The following PARP8 variants were observed in gnomAD, a reference collection of about 807,000 sequenced individuals.
The protein encoded by PARP8 is poly(ADP-ribose) polymerase family member 8, also known as protein mono-ADP-ribosyltransferase PARP8.
In PARP8, 51 loss-of-function variants were observed where a neutral mutation model predicts 124.1. The ratio of observed to expected loss-of-function variants is 0.41; its 90% CI spans 0.33 to 0.52. The LOEUF (loss-of-function observed/expected upper bound fraction) is 0.52, where lower values mean the gene tolerates loss of function less well. Among genes scored for constraint, PARP8 ranks in the 20% least tolerant of loss-of-function variants. The probability of loss-of-function intolerance (pLI) is 0.21; values close to 1 mark genes in which losing one functional copy is unlikely to be tolerated. For missense variants in PARP8, 860 were observed against 1,018.9 expected (o/e 0.84, Z 2.12); for synonymous variants, 391 against 361.5 (o/e 1.08, Z -0.93).
chr5:50,698,596 A>C (rs1753272708), intron 2 of PARP8, among the ~76,000 whole-genome samples: 1 of 152,148 alleles, frequency 6.6e-6, no homozygotes, highest in African/African-American at 2.4e-5. Context: ...CCCCCAAAGC[A>C]CAGTGGAGAG....
intron 12 of PARP8, 26 bp from the exon 13 acceptor site, chr5:50,796,956 A>C: frequency 6.4e-7 from 1 of 1,564,596 alleles, no homozygotes; most frequent in Non-Finnish European, 8.7e-7. Flanking sequence ...AAAAATTATC[A>C]TTTTTTTTTA....
At chr5:50,672,788 T>C (rs1750182975) in intron 2 of PARP8, among the ~76,000 whole-genome samples, 1 of 152,148 alleles carries the variant, frequency 6.6e-6, no homozygotes, top group African/African-American at 2.4e-5. Context: ...GACAATCTAC[T>C]TGATTGCTAA....
rs1287529709 is a variant in PARP8, at chr5:50,842,067, A to G, written c.2564A>G (p.Ter855=). 5 of 1,584,076 alleles carry G rather than the reference A, an allele frequency of 3.2e-6. No homozygotes were observed. The South Asian group carries it at 5.7e-5, about 18-fold the overall frequency. Residue 855 remains the stop codon, a stop_retained_variant, in exon 26 of 26, where the codon TAA becomes TGA. Coordinates refer to ENST00000281631, the MANE Select transcript of PARP8 (RefSeq NM_024615.4). ...RVIGNQTATG[*] is the part of the protein sequence containing the mutation. ...ATTGGTAATCAAACTGCTACTGGTTAAAGGACCACCATTTAATTAACATGA... is the reference window on the plus strand; with the variant it reads ...ATTGGTAATCAAACTGCTACTGGTTGAAGGACCACCATTTAATTAACATGA...
intron 2 of PARP8, among the ~76,000 whole-genome samples, chr5:50,691,129 C>T (rs1477564287): frequency 2.6e-5 from 4 of 152,202 alleles, no homozygotes; most frequent in Admixed American, 6.5e-5. Context: ...TTACCTTTCA[C>T]TTACCTTTTT....
intron 2 of PARP8, among the ~76,000 whole-genome samples, chr5:50,749,463 G>C (rs1758983593): frequency 6.6e-6 from 1 of 151,990 alleles, no homozygotes; most frequent in Non-Finnish European, 1.5e-5. Context: ...AAAATGAACA[G>C]ATAAATATGT....
chr5:50,760,970 T>C (rs1422233933), intron 5 of PARP8, among the ~76,000 whole-genome samples: 1 of 152,144 alleles, frequency 6.6e-6, no homozygotes, highest in East Asian at 1.9e-4. Flanking sequence ...GTTCCCTTCT[T>C]TATCCACATT....
At chr5:50,775,892 C>T (rs1341346850) in intron 7 of PARP8, among the ~76,000 whole-genome samples, 1 of 152,102 alleles carries the variant, frequency 6.6e-6, no homozygotes, top group Non-Finnish European at 1.5e-5. Flanking sequence ...TTATTTCTTT[C>T]TCTTGCCTGA....
chr5:50,754,646 G>A (rs561638274), intron 3 of PARP8, among the ~76,000 whole-genome samples: 1,739 of 152,234 alleles, frequency 0.011, 34 homozygotes, highest in African/African-American at 0.04. Flanking sequence ...ATAAACGTAC[G>A]TATGCATGTG....
rs1750006687 is a variant in PARP8, at chr5:50,671,500, T to A, written c.146+3375T>A. On this transcript the variant is annotated intron_variant, in intron 2 of 25. Transcript: ENST00000281631. ...AAAAGTACACAAATAAGAATTGTGTTTTGTAAAAAAAAAAAATAAAAAAAA... is the reference window on the plus strand; with the variant it reads ...AAAAGTACACAAATAAGAATTGTGTATTGTAAAAAAAAAAAATAAAAAAAA... 1.1e-4 allele frequency among the ~76,000 whole-genome samples: 5 copies of A among 43,700 alleles called. No homozygotes were observed. In the South Asian group the frequency reaches 3.1e-3, roughly 27 times the overall value. The allele number at this position is 43,700 out of a possible 152,430, so 28.7% of individuals were successfully genotyped here. A position where few individuals can be genotyped will look rare whatever the true frequency, so the allele number is the denominator to read the frequency against.
At chr5:50,748,549 TGG>T (rs1758869382) in intron 2 of PARP8, among the ~76,000 whole-genome samples, 1 of 152,224 alleles carries the variant, frequency 6.6e-6, no homozygotes, top group Non-Finnish European at 1.5e-5. Flanking sequence ...GCAGGTCTGC[TGG>T]GGACCAATTT....
At chr5:50,744,921 C>T in intron 2 of PARP8, 1 of 595,292 alleles carries the variant, frequency 1.7e-6, no homozygotes, top group African/African-American at 1.9e-5. Flanking sequence ...ACTAACAGTA[C>T]TCTGCAATCT....
At chr5:50,683,531 T>G (rs1228570092) in intron 2 of PARP8, among the ~76,000 whole-genome samples, 2 of 152,214 alleles carry the variant, frequency 1.3e-5, no homozygotes, top group Admixed American at 1.3e-4. Flanking sequence ...AAATTCTCAT[T>G]ATAATATGAG....
In PARP8 at chr5:50,705,827, C is replaced by T. The variant is rs573016007; in HGVS notation, c.146+37702C>T. The stretch of plus-strand genomic sequence containing the variant: ...TGGGTCTGGGCTAGGACTTGACTTT[C>T]ATCATAAACTACTTATACTATTTGA... On this transcript the variant is annotated intron_variant, in intron 2 of 25. Coordinates refer to ENST00000281631, the MANE Select transcript of PARP8 (RefSeq NM_024615.4). Among the ~76,000 whole-genome samples the T allele has an allele frequency of 1.9e-3, 283 of 152,048 alleles. 1 individual carries two copies. Among genetic ancestry groups the T allele is most frequent in the African/African-American group, 6.5e-3 (270 of 41,520 alleles).
At chr5:50,817,153 T>C (rs1007114446) in intron 15 of PARP8, among the ~76,000 whole-genome samples, 2 of 152,152 alleles carry the variant, frequency 1.3e-5, no homozygotes, top group South Asian at 2.1e-4. Context: ...GCTAACAGTA[T>C]GGTATGTTGA....
intron 2 of PARP8, among the ~76,000 whole-genome samples, chr5:50,703,915 C>A (rs1416946971): frequency 6.6e-6 from 1 of 150,520 alleles, no homozygotes; most frequent in Non-Finnish European, 1.5e-5. Flanking sequence ...AAATTTCATT[C>A]TTCCAACATG....
At chr5:50,721,730 G>A (rs1755908864) in intron 2 of PARP8, among the ~76,000 whole-genome samples, 1 of 152,012 alleles carries the variant, frequency 6.6e-6, no homozygotes, top group African/African-American at 2.4e-5. Flanking sequence ...ACATACTAGT[G>A]TCTTATTTAG....
At chr5:50,714,533 C>T (rs573966175) in intron 2 of PARP8, among the ~76,000 whole-genome samples, 8 of 152,066 alleles carry the variant, frequency 5.3e-5, no homozygotes, top group Admixed American at 4.6e-4. Flanking sequence ...TTTTAAGCCC[C>T]GCATGCATTA....
chr5:50,700,935 C>A (rs1255672073), intron 2 of PARP8, among the ~76,000 whole-genome samples: 1 of 152,072 alleles, frequency 6.6e-6, no homozygotes, highest in Non-Finnish European at 1.5e-5. Flanking sequence ...ACTCCAGATC[C>A]ATCTGAGTAC....
At chr5:50,815,700 G>A (rs1745024256) in intron 15 of PARP8, among the ~76,000 whole-genome samples, 176 bp downstream of exon 15, 2 of 152,094 alleles carry the variant, frequency 1.3e-5, no homozygotes, top group South Asian at 2.1e-4. Context: ...TCCATCTAAT[G>A]TGTGTTTCGT....
Sources: allele counts gnomAD v4.1 joint callset (sites outside exome capture counted in the v4.1 genomes callset), GRCh38; gene constraint gnomAD v4.1.1; transcripts MANE v1.5; gene names NCBI Gene and HGNC (gene_info 2026-07-23, HGNC 2026-07-21).